HLCS: variants seen among roughly 807,000 people sequenced by gnomAD.
The protein encoded by HLCS is holocarboxylase synthetase.
A neutral mutation model predicts 75.0 loss-of-function variants in HLCS; 53 were observed. The ratio of observed to expected loss-of-function variants is 0.71; its 90% CI spans 0.57 to 0.89. HLCS has a LOEUF of 0.89. Among genes scored for constraint, HLCS ranks in the 40% least tolerant of loss-of-function variants. The pLI is 0.00. For missense variants in HLCS, 966 were observed against 1,074.0 expected (o/e 0.90, Z 1.41); for synonymous variants, 431 against 428.6 (o/e 1.01, Z -0.07).
At chr21:36,857,481 G>C (rs913431190) in intron 6 of HLCS, among the ~76,000 whole-genome samples, 3 of 152,164 alleles carry the variant, frequency 2.0e-5, no homozygotes, top group Non-Finnish European at 4.4e-5. Flanking sequence ...TCTTTCATTT[G>C]TGTACTACTG....
At chr21:36,907,296 T>C (rs774831747) in intron 5 of HLCS, among the ~76,000 whole-genome samples, 9 of 151,980 alleles carry the variant, frequency 5.9e-5, no homozygotes, top group Middle Eastern at 3.4e-3. Context: ...GCATGAACCA[T>C]AAAAGGAAAA....
chr21:36,970,588 C>G (rs552157383), upstream of HLCS, among the ~76,000 whole-genome samples: 13 of 152,130 alleles, frequency 8.5e-5, no homozygotes, highest in Non-Finnish European at 1.8e-4. Flanking sequence ...AGGCTTGTCT[C>G]GAACTCCTGG....
Position 36,845,889 on chromosome 21 carries a change from G to T in HLCS, c.1892+50971C>A, listed in dbSNP as rs191952133. On this transcript the variant is annotated intron_variant, in intron 6 of 10. Transcript: ENST00000674895. ...GAGTATATTATGCCACCTCTTCTTG[G>T]TGGCCCAGACCACTCAACTGCTCTC... Among the ~76,000 whole-genome samples, 10 of 152,102 alleles carry T rather than the reference G, an allele frequency of 6.6e-5. No homozygotes were observed. The East Asian group carries it at 1.9e-3, about 29-fold the overall frequency.
At chr21:36,905,419 C>A (rs2065409852) in intron 5 of HLCS, among the ~76,000 whole-genome samples, 1 of 152,146 alleles carries the variant, frequency 6.6e-6, no homozygotes, top group Non-Finnish European at 1.5e-5. Flanking sequence ...CTATTGACAA[C>A]AAACAACCAC....
At chr21:36,786,078 A>C (rs1157338298) in intron 6 of HLCS, among the ~76,000 whole-genome samples, 1 of 152,094 alleles carries the variant, frequency 6.6e-6, no homozygotes, top group Non-Finnish European at 1.5e-5. Context: ...CTAGGAGAGG[A>C]GAATGGGCCC....
At chr21:36,757,853 C>A (rs562456587) in intron 9 of HLCS, among the ~76,000 whole-genome samples, 88 of 152,298 alleles carry the variant, frequency 5.8e-4, no homozygotes, top group African/African-American at 1.9e-3. Context: ...ACTGAACGTT[C>A]GTAAGGCATT....
At chr21:36,856,361 T>C (rs765223282) in intron 6 of HLCS, among the ~76,000 whole-genome samples, 2 of 152,198 alleles carry the variant, frequency 1.3e-5, no homozygotes, top group Non-Finnish European at 2.9e-5. Flanking sequence ...GTGGGACCCC[T>C]ACAGGGTTAA....
At chr21:36,944,520 C>A (rs1436616061) in intron 2 of HLCS, among the ~76,000 whole-genome samples, 4 of 152,124 alleles carry the variant, frequency 2.6e-5, no homozygotes, top group Non-Finnish European at 5.9e-5. Flanking sequence ...ATAAATTATA[C>A]CTCAATTAAA....
intron 6 of HLCS, among the ~76,000 whole-genome samples, chr21:36,889,303 C>T (rs941978819): frequency 6.6e-6 from 1 of 152,194 alleles, no homozygotes; most frequent in Non-Finnish European, 1.5e-5. Context: ...AGGAAATTGG[C>T]GTAAGCAAGT....
At chr21:36,798,197 GCA>G (rs2061087477) in intron 6 of HLCS, among the ~76,000 whole-genome samples, 1 of 152,184 alleles carries the variant, frequency 6.6e-6, no homozygotes, top group Non-Finnish European at 1.5e-5. Flanking sequence ...TGAAGTGTGT[GCA>G]CAGTGTGTGT....
intron 2 of HLCS, among the ~76,000 whole-genome samples, chr21:36,959,570 C>A (rs1170708004): frequency 6.6e-6 from 1 of 152,232 alleles, no homozygotes; most frequent in East Asian, 1.9e-4. Flanking sequence ...CCAGGTGAAG[C>A]CTGTGGCCCA....
At chr21:36,862,023 A>G (rs2063397566) in intron 6 of HLCS, among the ~76,000 whole-genome samples, 2 of 152,342 alleles carry the variant, frequency 1.3e-5, no homozygotes, top group Non-Finnish European at 2.9e-5. Context: ...GGCATTTCCT[A>G]TAAATGAAAT....
At position 36,765,087 on chromosome 21, in the gene HLCS, T is replaced by A; in HGVS notation, c.2046A>T (p.Gly682=). 1 of 1,614,170 alleles carries A rather than the reference T, an allele frequency of 6.2e-7. No homozygotes were observed. Among genetic ancestry groups the A allele is most frequent in the Non-Finnish European group, 8.5e-7 (1 of 1,180,022 alleles). ...LISIPLRSQL[G]QRIPFVQHLM... The stretch of plus-strand genomic sequence containing the variant: ...GATGCTGGACAAACGGGATCCTCTG[T>A]CCCAGCTGGGATCTCAGTGGAATGG... The change falls in exon 8 of 11, where the codon GGA becomes GGT. Residue 682 remains glycine, a synonymous_variant. Transcript: ENST00000674895.
intron 6 of HLCS, among the ~76,000 whole-genome samples, chr21:36,794,059 G>A (rs995077854): frequency 1.3e-5 from 2 of 152,318 alleles, no homozygotes; most frequent in East Asian, 3.9e-4. Flanking sequence ...ACTGGGTTAC[G>A]CTTGGCTCAT....
intron 1 of HLCS, among the ~76,000 whole-genome samples, chr21:36,977,889 T>G (rs989030011): frequency 1.3e-5 from 2 of 152,210 alleles, no homozygotes; most frequent in African/African-American, 4.8e-5. Flanking sequence ...ACTGCCCACC[T>G]GGGCAGAGTG....
At chr21:36,964,085 C>G (rs1014550314) in intron 1 of HLCS, among the ~76,000 whole-genome samples, 1 of 152,082 alleles carries the variant, frequency 6.6e-6, no homozygotes, top group South Asian at 2.1e-4. Flanking sequence ...ATTAGCCAGG[C>G]GTGGTGGCTC....
chr21:36,818,489 G>T (rs2061728914), intron 6 of HLCS, among the ~76,000 whole-genome samples: 1 of 152,184 alleles, frequency 6.6e-6, no homozygotes, highest in Non-Finnish European at 1.5e-5. Flanking sequence ...TGTCACTTGT[G>T]ACACCTGCAG....
intron 2 of HLCS, among the ~76,000 whole-genome samples, chr21:36,943,084 G>C (rs528768687): frequency 3.3e-5 from 5 of 152,120 alleles, no homozygotes; most frequent in Non-Finnish European, 1.5e-5. Context: ...ATACCAACAA[G>C]GACAAGGAAA....
intron 1 of HLCS, among the ~76,000 whole-genome samples, chr21:36,978,499 A>C (rs961315686): frequency 2.3e-4 from 14 of 61,448 alleles, no homozygotes; most frequent in Admixed American, 1.9e-4. Flanking sequence ...CACCTCAAAC[A>C]AAAAAAAAAA....
Sources: allele counts gnomAD v4.1 joint callset (sites outside exome capture counted in the v4.1 genomes callset), GRCh38; gene constraint gnomAD v4.1.1; transcripts MANE v1.5; gene names NCBI Gene and HGNC (gene_info 2026-07-23, HGNC 2026-07-21).